CNTN5: variants seen among roughly 807,000 people sequenced by gnomAD.
CNTN5 encodes the protein contactin 5.
A neutral mutation model predicts 129.1 loss-of-function variants in CNTN5; 77 were observed. The ratio of observed to expected loss-of-function variants is 0.60; its 90% confidence interval spans 0.50 to 0.72. CNTN5 has a LOEUF of 0.72. Ranked by LOEUF, CNTN5 falls within the 30% of genes least tolerant of loss-of-function variation. CNTN5 has a pLI of 0.00. For synonymous variants in CNTN5, 509 were observed against 465.6 expected (o/e 1.09, Z -1.20); for missense variants, 1,478 against 1,328.8 (o/e 1.11, Z -1.75).
intron 3 of CNTN5, among the ~76,000 whole-genome samples, chr11:99,687,626 A>G (rs1289134307): frequency 6.6e-6 from 1 of 152,140 alleles, no homozygotes; most frequent in African/African-American, 2.4e-5. Context: ...ACTTCATGGT[A>G]TTCTTCCTTA....
At chr11:99,041,020 A>G (rs1267352847) in intron 1 of CNTN5, among the ~76,000 whole-genome samples, 1 of 152,158 alleles carries the variant, frequency 6.6e-6, no homozygotes, top group Non-Finnish European at 1.5e-5. Context: ...AGAAGTGTAA[A>G]GTTTGTTTTA....
chr11:99,958,742 C>T (rs1167191866), intron 8 of CNTN5, among the ~76,000 whole-genome samples: 4 of 152,086 alleles, frequency 2.6e-5, no homozygotes, highest in East Asian at 1.9e-4. Context: ...ACTTCTGAGC[C>T]CCTTTCTCCC....
chr11:99,775,637 A>G (rs1213515044), intron 3 of CNTN5, among the ~76,000 whole-genome samples: 2 of 152,050 alleles, frequency 1.3e-5, no homozygotes, highest in Non-Finnish European at 2.9e-5. Context: ...CTTCGGGCAT[A>G]TGCAAAACTA....
At chr11:100,252,619 A>G (rs1331660469) in intron 16 of CNTN5, among the ~76,000 whole-genome samples, 1 of 152,074 alleles carries the variant, frequency 6.6e-6, no homozygotes. Context: ...GTCTAGTTTC[A>G]TTCATCTGCA....
intron 1 of CNTN5, among the ~76,000 whole-genome samples, chr11:99,062,340 T>C (rs1864919053): frequency 6.6e-6 from 1 of 152,152 alleles, no homozygotes; most frequent in South Asian, 2.1e-4. Context: ...ACCAGTCTTT[T>C]AGATATAGCG....
chr11:99,614,397 A>T (rs1950693079), intron 3 of CNTN5, among the ~76,000 whole-genome samples: 1 of 152,106 alleles, frequency 6.6e-6, no homozygotes, highest in Non-Finnish European at 1.5e-5. Context: ...TGCTTTTTTC[A>T]TTGCACCACG....
At chr11:99,130,517 G>T (rs935060910) in intron 1 of CNTN5, among the ~76,000 whole-genome samples, 2 of 152,132 alleles carry the variant, frequency 1.3e-5, no homozygotes, top group African/African-American at 4.8e-5. Context: ...ATAATAGTGG[G>T]AGAATGTAAT....
At chr11:100,203,837 C>T (rs1470724601) in intron 15 of CNTN5, among the ~76,000 whole-genome samples, 8 of 151,446 alleles carry the variant, frequency 5.3e-5, no homozygotes, top group Non-Finnish European at 1.0e-4. Flanking sequence ...CACACTGCCC[C>T]TATCTTGGAT....
In CNTN5 at chr11:99,616,913, C is replaced by A. The variant is rs11220653; in HGVS notation, c.55+60644C>A. Among the ~76,000 whole-genome samples the A allele has an allele frequency of 3.3e-4, 50 of 152,308 alleles. 1 individual carries two copies. The East Asian group carries it at 8.5e-3, about 26-fold the overall frequency. On this transcript the variant is annotated intron_variant, in intron 3 of 24. Coordinates refer to ENST00000524871, the MANE Select transcript of CNTN5 (RefSeq NM_014361.4). ...ATGACCTGAGGTCAGGAGTTCGAGA[C>A]CAGCCTGGCCAACATGGCAAAACCC...
At chr11:99,628,260 A>T (rs906853585) in intron 3 of CNTN5, among the ~76,000 whole-genome samples, 1 of 152,016 alleles carries the variant, frequency 6.6e-6, no homozygotes, top group African/African-American at 2.4e-5. Context: ...ACCCATCTAG[A>T]AATTTCATTA....
intron 3 of CNTN5, among the ~76,000 whole-genome samples, chr11:99,601,417 T>C (rs1950308595): frequency 6.6e-6 from 1 of 152,124 alleles, no homozygotes; most frequent in Non-Finnish European, 1.5e-5. Context: ...CTGTCAATAT[T>C]TGTCATCCCT....
rs146998577 is a variant in CNTN5 at position 99,214,805 on chromosome 11, C to A, written c.-209-110541C>A. On this transcript the variant is annotated intron_variant, in intron 1 of 24. Coordinates refer to ENST00000524871, the MANE Select transcript of CNTN5 (RefSeq NM_014361.4). ...CATTTAACAAGGAATTCCAGTGATACCATAAACTTTCATCATCATCCAACT... is the reference window on the plus strand; with the variant it reads ...CATTTAACAAGGAATTCCAGTGATAACATAAACTTTCATCATCATCCAACT... Among the ~76,000 whole-genome samples the A allele has an allele frequency of 6.6e-4, 100 of 152,194 alleles. No individual in the cohort carries two copies. The East Asian group carries it at 0.016, about 25-fold the overall frequency.
intron 13 of CNTN5, among the ~76,000 whole-genome samples, chr11:100,182,972 T>C (rs1198147501): frequency 6.6e-6 from 1 of 151,996 alleles, no homozygotes; most frequent in African/African-American, 2.4e-5. Flanking sequence ...ATTTGAACAA[T>C]TAGCTCACCA....
At chr11:99,226,336 C>A (rs917852136) in intron 1 of CNTN5, among the ~76,000 whole-genome samples, 3 of 152,020 alleles carry the variant, frequency 2.0e-5, no homozygotes, top group Non-Finnish European at 2.9e-5. Flanking sequence ...AGATGTGGCA[C>A]CAAATATTTA....
chr11:99,870,200 C>T lies in CNTN5; in HGVS notation c.577+24938C>T, dbSNP rs1011737264. ...AATGTAGCATGAAGAAGAAGAAAGA[C>T]GTGATTTTTTTTTAACTGAAGGCAA... On this transcript the variant is annotated intron_variant, in intron 6 of 24. Coordinates refer to ENST00000524871, the MANE Select transcript of CNTN5 (RefSeq NM_014361.4). 7.6e-4 allele frequency among the ~76,000 whole-genome samples: 116 copies of T among 151,932 alleles called. 1 individual carries two copies. Among genetic ancestry groups the T allele is most frequent in the East Asian group, 1.9e-4 (1 of 5,200 alleles).
intron 16 of CNTN5, among the ~76,000 whole-genome samples, chr11:100,233,577 A>C (rs1043534931): frequency 6.6e-6 from 1 of 152,182 alleles, no homozygotes; most frequent in Admixed American, 6.5e-5. Flanking sequence ...ATGACTTTCT[A>C]TGTTACACCT....
chr11:99,886,171 C>G lies in CNTN5; in HGVS notation c.578-29883C>G, dbSNP rs138199140. 3.0e-3 allele frequency among the ~76,000 whole-genome samples: 455 copies of G among 151,954 alleles called. 2 individuals are homozygous for G. The highest frequency in any genetic ancestry group is 9.7e-3 in the African/African-American group (403 of 41,522). ...CTTTATGATCTTGAACTAGGGAAAA[C>G]TAAGATGTTTCACTGTAATATATTC... is the stretch of plus-strand genomic sequence containing the variant. On this transcript the variant is annotated intron_variant, in intron 6 of 24. Coordinates refer to ENST00000524871, the MANE Select transcript of CNTN5 (RefSeq NM_014361.4).
intron 6 of CNTN5, among the ~76,000 whole-genome samples, chr11:99,853,213 C>T (rs1947929171): frequency 1.3e-5 from 2 of 151,966 alleles, no homozygotes; most frequent in Non-Finnish European, 1.5e-5. Flanking sequence ...AAAGAAACAA[C>T]AATTATTATG....
chr11:99,578,488 C>T (rs1949445083), intron 3 of CNTN5, among the ~76,000 whole-genome samples: 1 of 150,146 alleles, frequency 6.7e-6, no homozygotes, highest in Non-Finnish European at 1.5e-5. Context: ...TCTCCAGCAC[C>T]TGTTGTTTCC....
Sources: allele counts gnomAD v4.1 joint callset (sites outside exome capture counted in the v4.1 genomes callset), GRCh38; gene constraint gnomAD v4.1.1; transcripts MANE v1.5; gene names NCBI Gene and HGNC (gene_info 2026-07-23, HGNC 2026-07-21).